The following SLC44A1 variants were observed in gnomAD, a reference collection of about 807,000 sequenced individuals.
The protein encoded by SLC44A1 is choline transporter-like protein 1.
In SLC44A1, 26 loss-of-function variants were observed where a neutral mutation model predicts 79.3. The observed-to-expected ratio is 0.33, with a 90% CI of 0.24 to 0.46. The LOEUF is 0.46. Ranked by LOEUF, SLC44A1 falls within the 20% of genes least tolerant of loss-of-function variation. The probability of loss-of-function intolerance (pLI) is 1.00; values close to 1 mark genes in which losing one functional copy is unlikely to be tolerated. For missense variants in SLC44A1, 688 were observed against 798.1 expected, an observed-to-expected ratio of 0.86 and a Z score of 1.66; for synonymous variants, 263 against 286.2, an observed-to-expected ratio of 0.92 and a Z score of 0.82.
intron 1 of SLC44A1, among the ~76,000 whole-genome samples, chr9:105,278,271 T>C (rs328004): frequency 0.23 from 34,465 of 150,968 alleles, 7,176 homozygotes; most frequent in African/African-American, 0.56. Context: ...ATTTATGAGA[T>C]GTAGTCTCGC....
intron 15 of SLC44A1, among the ~76,000 whole-genome samples, chr9:105,387,060 A>AAAAAAAAAAAAATATAT (rs34780893): frequency 2.6e-4 from 2 of 7,730 alleles, no homozygotes; most frequent in African/African-American, 4.1e-4. Flanking sequence ...AAAAAAAAAA[A>AAAAAAAAAAAAATATAT]ATATATATAT....
In SLC44A1 at chr9:105,419,914, C is replaced by CAAA. The variant is rs59244219; in HGVS notation, c.1951-18346_1951-18344dup. ...GGGCCATAATAGTGAAACTCTGTCTCAAAAAAAAAAAAAAAAAAAAAAAGA... is the reference window on the plus strand; with the variant it reads ...GGGCCATAATAGTGAAACTCTGTCTCAAAAAAAAAAAAAAAAAAAAAAAAAAGA... On this transcript the variant is annotated intron_variant, in intron 15 of 15. Transcript: ENST00000374724. 3.3e-3 allele frequency among the ~76,000 whole-genome samples: 171 copies of CAAA among 51,582 alleles called. 1 individual carries two copies. Among genetic ancestry groups the CAAA allele is most frequent in the Middle Eastern group, 8.1e-3 (1 of 124 alleles). The allele number at this position is 51,582 out of a possible 152,430, so 33.8% of individuals were successfully genotyped here.
chr9:105,392,192 C>T lies in SLC44A1; in HGVS notation c.*3136C>T. Reference sequence around the variant, plus strand: ...CTCAAAGCCAGTTGTTCCTTTAAAGCATTTAATGCAATGGCTAATGTTTAG... The same window carrying T: ...CTCAAAGCCAGTTGTTCCTTTAAAGTATTTAATGCAATGGCTAATGTTTAG... On this transcript the variant is annotated 3_prime_UTR_variant, in exon 16 of 16. Coordinates refer to ENST00000374720, the MANE Select transcript of SLC44A1 (RefSeq NM_080546.5). The T allele has an allele frequency of 2.0e-6, 2 of 984,270 alleles. No homozygotes were observed. The highest frequency in any genetic ancestry group is 2.4e-6 in the Non-Finnish European group (2 of 828,898). The allele number at this position is 984,270 out of a possible 1,614,324, so 61.0% of individuals were successfully genotyped here.
At position 105,390,252 on chromosome 9, in the gene SLC44A1, T is replaced by C; in HGVS notation, c.*1196T>C. ...GGCTAATACTCCATTGTTCTGCTTG[T>C]TGTAATGGTGAATGCTTTAAGAAAA... On this transcript the variant is annotated 3_prime_UTR_variant, in exon 16 of 16. Coordinates refer to ENST00000374720, the MANE Select transcript of SLC44A1 (RefSeq NM_080546.5). 1.9e-6 allele frequency: 2 copies of C among 1,068,682 alleles called. No homozygotes were observed. Among genetic ancestry groups the C allele is most frequent in the Non-Finnish European group, 2.3e-6 (2 of 884,372 alleles). 66.2% of individuals were successfully genotyped at this position (1,068,682 alleles called of 1,614,324 possible). A position where few individuals can be genotyped will look rare whatever the true frequency, so the allele number is the denominator to read the frequency against.
At chr9:105,309,613 A>T in intron 2 of SLC44A1, 111 bp from the exon 3 acceptor site, 1 of 908,954 alleles carries the variant, frequency 1.1e-6, no homozygotes, top group South Asian at 1.6e-5. Flanking sequence ...GTAAGAAAAG[A>T]TAGCTCTTTG....
intron 3 of SLC44A1, among the ~76,000 whole-genome samples, chr9:105,334,390 T>TAA (rs1232591807): frequency 1.5e-3 from 227 of 152,218 alleles, no homozygotes; most frequent in Middle Eastern, 0.01. Flanking sequence ...TTTTCCTTTA[T>TAA]AGTTTCCATT....
At chr9:105,428,620 A>C (rs1199981751) in intron 15 of SLC44A1, among the ~76,000 whole-genome samples, 42 of 152,250 alleles carry the variant, frequency 2.8e-4, no homozygotes, top group Admixed American at 2.7e-3. Context: ...AACAGTCAGC[A>C]TGGGCTGTGC....
chr9:105,358,572 CTTATAA>C (rs1397792087), intron 7 of SLC44A1, 139 bp downstream of exon 7: 3 of 626,380 alleles, frequency 4.8e-6, no homozygotes, highest in East Asian at 5.7e-5. Context: ...CTTAAAATTT[CTTATAA>C]TTATATTTGC....
At chr9:105,385,980 GCTGA>G in intron 15 of SLC44A1, 17 of 985,208 alleles carry the variant, frequency 1.7e-5, no homozygotes, top group South Asian at 4.7e-5. Flanking sequence ...TTTTCCCTTG[GCTGA>G]CTTTTTCTTC....
At chr9:105,307,220 G>A (rs1358823345) in intron 2 of SLC44A1, among the ~76,000 whole-genome samples, 1 of 152,170 alleles carries the variant, frequency 6.6e-6, no homozygotes, top group Non-Finnish European at 1.5e-5. Context: ...AGATGAGGAG[G>A]GAACAGAGTC....
At chr9:105,324,033 G>C (rs766603263) in intron 3 of SLC44A1, among the ~76,000 whole-genome samples, 3 of 151,980 alleles carry the variant, frequency 2.0e-5, no homozygotes, top group Non-Finnish European at 2.9e-5. Flanking sequence ...ACGGAGTCTT[G>C]CTCTGTCGCC....
At chr9:105,388,933 T>G in intron 15 of SLC44A1, 100 bp from the exon 16 acceptor site, 1 of 869,436 alleles carries the variant, frequency 1.2e-6, no homozygotes. Context: ...CATTTTGCTG[T>G]CTTGCTGTTT....
chr9:105,387,393 C>T (rs12353314), intron 15 of SLC44A1, among the ~76,000 whole-genome samples: 6,857 of 152,084 alleles, frequency 0.045, 514 homozygotes, highest in African/African-American at 0.16. Flanking sequence ...CAGATGGAGG[C>T]ACACCAGTAA....
At chr9:105,356,407 A>G (rs1464380870) in intron 6 of SLC44A1, 26 bp downstream of exon 6, 2 of 1,437,730 alleles carry the variant, frequency 1.4e-6, no homozygotes, top group Non-Finnish European at 9.6e-7. Context: ...ATTATTAGCT[A>G]TTGCATAGTA....
At chr9:105,423,737 A>G (rs1829285422) in intron 15 of SLC44A1, among the ~76,000 whole-genome samples, 1 of 152,244 alleles carries the variant, frequency 6.6e-6, no homozygotes, top group Non-Finnish European at 1.5e-5. Context: ...TAGAATCATT[A>G]AATTTCCCTT....
intron 3 of SLC44A1, among the ~76,000 whole-genome samples, chr9:105,313,275 T>C (rs1472176830): frequency 6.6e-6 from 1 of 152,246 alleles, no homozygotes; most frequent in African/African-American, 2.4e-5. Flanking sequence ...GTTTGCACTC[T>C]AATTATATTG....
intron 4 of SLC44A1, among the ~76,000 whole-genome samples, chr9:105,339,450 C>A (rs1174528680): frequency 6.6e-6 from 1 of 152,170 alleles, no homozygotes; most frequent in African/African-American, 2.4e-5. Context: ...GAGATATTTG[C>A]ACAATCATGT....
intron 4 of SLC44A1, among the ~76,000 whole-genome samples, chr9:105,337,047 C>T (rs1324679429): frequency 1.3e-5 from 2 of 152,220 alleles, no homozygotes; most frequent in African/African-American, 2.4e-5. Flanking sequence ...AACCACTCTT[C>T]ACGATCTCAT....
At chr9:105,415,896 ATTTTT>A (rs10592448) in intron 15 of SLC44A1, among the ~76,000 whole-genome samples, 44 of 117,952 alleles carry the variant, frequency 3.7e-4, no homozygotes, top group African/African-American at 1.4e-3. Flanking sequence ...GATTGACTGA[ATTTTT>A]TTTTTTTTTT....
Sources: allele counts gnomAD v4.1 joint callset (sites outside exome capture counted in the v4.1 genomes callset), GRCh38; gene constraint gnomAD v4.1.1; transcripts MANE v1.5; gene names NCBI Gene and HGNC (gene_info 2026-07-23, HGNC 2026-07-21).